The following C9 variants were observed in gnomAD, a reference collection of about 807,000 sequenced individuals.
C9 encodes complement C9.
C9 carries 63 observed loss-of-function variants against 65.4 expected under a neutral mutation model. That is an observed-to-expected ratio of 0.96 (90% CI 0.79 to 1.19). The LOEUF (loss-of-function observed/expected upper bound fraction) is 1.19, where lower values mean the gene tolerates loss of function less well. Ranked by LOEUF, C9 falls within the 50% of genes most tolerant of loss-of-function variation. The probability of loss-of-function intolerance (pLI) is 0.00; values close to 1 mark genes in which losing one functional copy is unlikely to be tolerated. For missense variants in C9, 744 were observed against 670.1 expected (o/e 1.11, Z -1.22); for synonymous variants, 229 against 227.9 (o/e 1.00, Z -0.04).
At chr5:39,353,740 A>G (rs971424620) in intron 1 of C9, among the ~76,000 whole-genome samples, 1 of 152,048 alleles carries the variant, frequency 6.6e-6, no homozygotes, top group African/African-American at 2.4e-5. Flanking sequence ...AACAAAAAAC[A>G]TGATCCCCAA....
At chr5:39,345,812 C>CAA (rs1754181759) in intron 1 of C9, among the ~76,000 whole-genome samples, 1 of 152,156 alleles carries the variant, frequency 6.6e-6, no homozygotes, top group Admixed American at 6.5e-5. Context: ...GAAATTATAA[C>CAA]AAACTGTCTC....
intron 4 of C9, among the ~76,000 whole-genome samples, chr5:39,334,348 C>A (rs976515606): frequency 2.0e-5 from 3 of 151,066 alleles, no homozygotes; most frequent in African/African-American, 7.4e-5. Flanking sequence ...GCCGCCCCAT[C>A]TGAGAAGTGA....
At chr5:39,336,689 CCTA>C (rs2111942872) in intron 4 of C9, among the ~76,000 whole-genome samples, 1 of 152,134 alleles carries the variant, frequency 6.6e-6, no homozygotes, top group South Asian at 2.1e-4. Context: ...CAATTTGAGT[CCTA>C]CTTTTCATTT....
intron 10 of C9, among the ~76,000 whole-genome samples, chr5:39,286,854 G>A (rs905939399): frequency 6.6e-6 from 1 of 151,856 alleles, no homozygotes; most frequent in Non-Finnish European, 1.5e-5. Context: ...ACATGATTGA[G>A]TTTCTAAGCC....
intron 6 of C9, among the ~76,000 whole-genome samples, chr5:39,314,706 A>G (rs528146163): frequency 1.5e-4 from 23 of 152,046 alleles, no homozygotes; most frequent in Non-Finnish European, 2.8e-4. Flanking sequence ...CTCTTTGGCT[A>G]TCTCCTCTCC....
intron 9 of C9, among the ~76,000 whole-genome samples, chr5:39,298,757 T>C (rs1382696759): frequency 6.6e-6 from 1 of 151,852 alleles, no homozygotes. Flanking sequence ...TAGCATTACT[T>C]TGATACCAAA....
intron 5 of C9, among the ~76,000 whole-genome samples, chr5:39,319,427 T>G (rs1753628296): frequency 6.6e-6 from 1 of 151,956 alleles, no homozygotes; most frequent in Admixed American, 6.6e-5. Context: ...AACTCAGGCT[T>G]TAGACAGGCC....
chr5:39,358,728 G>C (rs1743186611), intron 1 of C9, among the ~76,000 whole-genome samples: 1 of 152,054 alleles, frequency 6.6e-6, no homozygotes, highest in African/African-American at 2.4e-5. Flanking sequence ...GCTCACGTCT[G>C]TAATCCCAGC....
At chr5:39,334,340 C>T (rs1212906544) in intron 4 of C9, among the ~76,000 whole-genome samples, 16 of 150,836 alleles carry the variant, frequency 1.1e-4, no homozygotes, top group African/African-American at 3.7e-4. Context: ...TCTGCCCGGC[C>T]GCCCCATCTG....
At chr5:39,292,716 T>C (rs1478956872) in intron 9 of C9, among the ~76,000 whole-genome samples, 1 of 151,438 alleles carries the variant, frequency 6.6e-6, no homozygotes, top group Admixed American at 6.6e-5. Context: ...TATAAACTCA[T>C]GATACAATAT....
intron 5 of C9, among the ~76,000 whole-genome samples, chr5:39,325,777 A>T (rs1328464821): frequency 6.6e-6 from 1 of 151,808 alleles, no homozygotes; most frequent in Admixed American, 6.6e-5. Flanking sequence ...ATCTCAAAAA[A>T]AAAAAAAAAA....
chr5:39,302,195 C>A (rs1753297807), intron 9 of C9, among the ~76,000 whole-genome samples: 1 of 151,994 alleles, frequency 6.6e-6, no homozygotes. Flanking sequence ...TTAAAATGTA[C>A]TTTTTGAAGT....
At chr5:39,358,973 A>C (rs1367371561) in intron 1 of C9, among the ~76,000 whole-genome samples, 2 of 149,900 alleles carry the variant, frequency 1.3e-5, no homozygotes, top group East Asian at 3.9e-4. Flanking sequence ...TGGCAGAGCG[A>C]GACTCCATCT....
At chr5:39,364,321 A>G (rs879024698) in intron 1 of C9, 67 bp downstream of exon 1, 1 of 859,606 alleles carries the variant, frequency 1.2e-6, no homozygotes, top group Non-Finnish European at 2.0e-6. Context: ...CTTTGCTGCT[A>G]AGAAGACCTT....
intron 8 of C9, 61 bp downstream of exon 8, chr5:39,308,169 C>A: frequency 1.4e-6 from 2 of 1,401,770 alleles, no homozygotes; most frequent in Non-Finnish European, 2.0e-6. Flanking sequence ...TGCAAGAGGG[C>A]AGTGCTCATT....
chr5:39,308,419 C>A (rs1313775035), intron 7 of C9, 61 bp from the exon 8 acceptor site: 6 of 1,367,638 alleles, frequency 4.4e-6, no homozygotes, highest in Non-Finnish European at 6.3e-6. Flanking sequence ...CAAATAAATT[C>A]CAATTTTGCT....
chr5:39,315,416 G>A (rs1753552168), intron 6 of C9, among the ~76,000 whole-genome samples: 1 of 152,072 alleles, frequency 6.6e-6, no homozygotes. Context: ...AATAAACAGT[G>A]ATCATTCTAG....
intron 9 of C9, among the ~76,000 whole-genome samples, chr5:39,301,608 A>G (rs1235616159): frequency 6.6e-6 from 1 of 152,112 alleles, no homozygotes; most frequent in East Asian, 1.9e-4. Context: ...TTACTTCTGC[A>G]ATACTACTTC....
chr5:39,311,035 G>A, intron 7 of C9, 102 bp downstream of exon 7: 2 of 1,311,998 alleles, frequency 1.5e-6, no homozygotes, highest in South Asian at 2.4e-5. Flanking sequence ...CAGGTTACAG[G>A]GCTTTGTATT....
Sources: allele counts gnomAD v4.1 joint callset (sites outside exome capture counted in the v4.1 genomes callset), GRCh38; gene constraint gnomAD v4.1.1; transcripts MANE v1.5; gene names NCBI Gene and HGNC (gene_info 2026-07-23, HGNC 2026-07-21).